SYTL3: variants seen among roughly 807,000 people sequenced by gnomAD.
SYTL3 encodes the protein synaptotagmin like 3.
A neutral mutation model predicts 82.1 loss-of-function variants in SYTL3; 88 were observed. The observed-to-expected ratio is 1.07, with a 90% confidence interval of 0.90 to 1.28. The LOEUF (loss-of-function observed/expected upper bound fraction) is 1.28. Ranked by LOEUF, SYTL3 falls within the 50% of genes most tolerant of loss-of-function variation. The pLI, the probability that SYTL3 is intolerant of heterozygous loss-of-function variation, is 0.00. For synonymous variants in SYTL3, 311 were observed against 289.4 expected, an observed-to-expected ratio of 1.07 and a Z score of -0.76; for missense variants, 831 against 757.6, an observed-to-expected ratio of 1.10 and a Z score of -1.14.
intron 5 of SYTL3, among the ~76,000 whole-genome samples, chr6:158,681,935 T>C (rs1339733911): frequency 1.3e-5 from 2 of 152,160 alleles, no homozygotes; most frequent in Non-Finnish European, 2.9e-5. Flanking sequence ...CATGATACAT[T>C]GGTCATTTGT....
intron 10 of SYTL3, among the ~76,000 whole-genome samples, chr6:158,720,306 C>A (rs1783940134): frequency 6.8e-6 from 1 of 146,170 alleles, no homozygotes; most frequent in Non-Finnish European, 1.5e-5. Context: ...GAGGCCGAGG[C>A]AGGAGAATCT....
chr6:158,722,399 T>G (rs1173170714), intron 10 of SYTL3, among the ~76,000 whole-genome samples: 1 of 152,126 alleles, frequency 6.6e-6, no homozygotes, highest in Non-Finnish European at 1.5e-5. Flanking sequence ...TGGGCTCAAG[T>G]GATCCTCCCA....
chr6:158,731,829 A>G (rs1247962276), intron 11 of SYTL3, among the ~76,000 whole-genome samples: 4 of 152,164 alleles, frequency 2.6e-5, no homozygotes, highest in Non-Finnish European at 5.9e-5. Flanking sequence ...TCCTGACCTC[A>G]TGATCCACCC....
At chr6:158,710,939 C>G (rs1208385583) in intron 8 of SYTL3, among the ~76,000 whole-genome samples, 5 of 152,122 alleles carry the variant, frequency 3.3e-5, no homozygotes, top group Admixed American at 3.3e-4. Context: ...TGCCACCAGG[C>G]CCAGCTAATT....
At chr6:158,760,197 A>G (rs1789721559) in intron 14 of SYTL3, among the ~76,000 whole-genome samples, 1 of 152,048 alleles carries the variant, frequency 6.6e-6, no homozygotes. Context: ...CTCTGGACAG[A>G]GACTACACCC....
At chr6:158,715,332 A>G (rs1415556376) in intron 9 of SYTL3, among the ~76,000 whole-genome samples, 1 of 152,022 alleles carries the variant, frequency 6.6e-6, no homozygotes, top group Non-Finnish European at 1.5e-5. Context: ...CGAAATCCAG[A>G]GAGGTGGGAC....
intron 4 of SYTL3, 93 bp from the exon 5 acceptor site, chr6:158,665,302 C>A: frequency 1.6e-6 from 2 of 1,238,196 alleles, no homozygotes; most frequent in South Asian, 1.4e-5. Context: ...AGCCCCTTCC[C>A]TTGCCATGGG....
chr6:158,758,423 C>T (rs1466867503), intron 14 of SYTL3, among the ~76,000 whole-genome samples: 1 of 118,076 alleles, frequency 8.5e-6, no homozygotes. Context: ...GGCAACAGAG[C>T]GAGACTCTGT....
intron 5 of SYTL3, among the ~76,000 whole-genome samples, chr6:158,676,440 A>C (rs927632606): frequency 4.6e-5 from 7 of 152,168 alleles, no homozygotes; most frequent in Admixed American, 6.5e-5. Context: ...TAGACCTAAA[A>C]CCATAAAAAC....
upstream of SYTL3, among the ~76,000 whole-genome samples, chr6:158,649,253 C>G (rs1003241827): frequency 6.6e-6 from 1 of 152,254 alleles, no homozygotes; most frequent in African/African-American, 2.4e-5. Flanking sequence ...GCCCTACACT[C>G]TCAGTGGTTG....
intron 6 of SYTL3, among the ~76,000 whole-genome samples, chr6:158,694,360 A>T (rs1160779629): frequency 6.6e-6 from 1 of 151,204 alleles, no homozygotes; most frequent in East Asian, 1.9e-4. Context: ...CAGTGGAGTG[A>T]TATTGGCTCG....
At chr6:158,699,333 A>G (rs900650609) in intron 6 of SYTL3, among the ~76,000 whole-genome samples, 2 of 152,174 alleles carry the variant, frequency 1.3e-5, no homozygotes, top group Non-Finnish European at 2.9e-5. Flanking sequence ...GGGCACTGGT[A>G]TGGTTGGGGG....
At chr6:158,674,049 A>G (rs1196182718) in intron 5 of SYTL3, among the ~76,000 whole-genome samples, 1 of 150,136 alleles carries the variant, frequency 6.7e-6, no homozygotes, top group Admixed American at 6.7e-5. Context: ...GCACCACCGC[A>G]GTCCACCCTG....
At chr6:158,655,831 C>T (rs1377511110) in intron 2 of SYTL3, among the ~76,000 whole-genome samples, 2 of 152,178 alleles carry the variant, frequency 1.3e-5, no homozygotes, top group Non-Finnish European at 2.9e-5. Flanking sequence ...AACAGCAAGT[C>T]GGTGGCAGAG....
At chr6:158,696,854 C>A (rs1583272247) in intron 6 of SYTL3, among the ~76,000 whole-genome samples, 1 of 151,854 alleles carries the variant, frequency 6.6e-6, no homozygotes, top group African/African-American at 2.4e-5. Flanking sequence ...GAATAGAAAG[C>A]CTAGAAATAA....
chr6:158,659,189 T>C (rs1789065744), intron 2 of SYTL3, among the ~76,000 whole-genome samples: 1 of 152,204 alleles, frequency 6.6e-6, no homozygotes, highest in South Asian at 2.1e-4. Context: ...CACCAGAAGG[T>C]TTCCTGCTTT....
At position 158,708,405 on chromosome 6, in the gene SYTL3, TC is replaced by T; in HGVS notation, c.516+15del. 1 of 1,612,126 alleles carries T rather than the reference TC, an allele frequency of 6.2e-7. No homozygotes were observed. Among genetic ancestry groups the T allele is most frequent in the Non-Finnish European group, 8.5e-7 (1 of 1,178,194 alleles). On this transcript the variant is annotated intron_variant, in intron 8 of 17. Coordinates refer to ENST00000611299, the MANE Select transcript of SYTL3 (RefSeq NM_001242394.2). ...AGTCCTGGCAGGGTAACGTATCCATTCTGGGCACTTCTCTAGTAGGGGTCAG... is the reference window on the plus strand; with the variant it reads ...AGTCCTGGCAGGGTAACGTATCCATTTGGGCACTTCTCTAGTAGGGGTCAG...
intron 6 of SYTL3, among the ~76,000 whole-genome samples, chr6:158,684,832 GC>G (rs1311668015): frequency 2.7e-5 from 4 of 147,934 alleles, no homozygotes; most frequent in African/African-American, 9.9e-5. Context: ...AAAAAACGCT[GC>G]TTCTGCCAAG....
chr6:158,719,059 A>G (rs1054277932), intron 10 of SYTL3, among the ~76,000 whole-genome samples: 9 of 152,220 alleles, frequency 5.9e-5, no homozygotes, highest in African/African-American at 2.2e-4. Context: ...GCCCCTCTGT[A>G]AAATGAAGAT....
Sources: allele counts gnomAD v4.1 joint callset (sites outside exome capture counted in the v4.1 genomes callset), GRCh38; gene constraint gnomAD v4.1.1; transcripts MANE v1.5; gene names NCBI Gene and HGNC (gene_info 2026-07-23, HGNC 2026-07-21).